Variants in KLHL29 observed in about 807,000 individuals in gnomAD.
KLHL29 encodes kelch like family member 29.
In KLHL29, 21 loss-of-function variants were observed where a neutral mutation model predicts 80.4. The observed-to-expected ratio is 0.26, with a 90% CI of 0.19 to 0.38. The LOEUF is 0.38. Among genes scored for constraint, KLHL29 ranks in the 10% least tolerant of loss-of-function variants. The pLI is 1.00. For missense variants in KLHL29, 867 were observed against 1,223.9 expected (o/e 0.71, Z 4.35); for synonymous variants, 511 against 526.8 (o/e 0.97, Z 0.41).
chr2:23,595,998 C>G (rs1396710548), intron 3 of KLHL29, among the ~76,000 whole-genome samples: 1 of 152,218 alleles, frequency 6.6e-6, no homozygotes, highest in Non-Finnish European at 1.5e-5. Flanking sequence ...GGTTTTCACA[C>G]TCCCCGTGGT....
intron 1 of KLHL29, among the ~76,000 whole-genome samples, chr2:23,456,058 A>G (rs1664041029): frequency 6.6e-6 from 1 of 152,178 alleles, no homozygotes; most frequent in African/African-American, 2.4e-5. Flanking sequence ...ACCTGCTGAC[A>G]CTTTGATCTT....
intron 5 of KLHL29, among the ~76,000 whole-genome samples, chr2:23,662,741 G>A (rs1670447308): frequency 6.6e-6 from 1 of 152,148 alleles, no homozygotes; most frequent in Non-Finnish European, 1.5e-5. Flanking sequence ...TCCCCAGCCT[G>A]GGCCCACCTA....
chr2:23,524,395 C>T (rs544467933), intron 2 of KLHL29: 61 of 162,880 alleles, frequency 3.7e-4, no homozygotes, highest in Non-Finnish European at 3.9e-4. Context: ...CCCGGGCTCC[C>T]GGGAGGCGTC....
At chr2:23,624,396 T>G (rs1669258376) in intron 3 of KLHL29, among the ~76,000 whole-genome samples, 2 of 152,120 alleles carry the variant, frequency 1.3e-5, no homozygotes. Flanking sequence ...GCCACCCCCC[T>G]TCCCAATCCC....
intron 1 of KLHL29, among the ~76,000 whole-genome samples, chr2:23,402,226 G>T (rs1358725029): frequency 6.6e-6 from 1 of 152,200 alleles, no homozygotes; most frequent in Non-Finnish European, 1.5e-5. Context: ...ACTGTCCCGG[G>T]TGGAAAATGC....
chr2:23,701,786 TTTTTTGC>T (rs1435772490), intron 11 of KLHL29, among the ~76,000 whole-genome samples: 9,284 of 128,934 alleles, frequency 0.072, 1,029 homozygotes, highest in African/African-American at 0.09. Context: ...CACATGGCTT[TTTTTTGC>T]TTTTTTTTTT....
intron 3 of KLHL29, among the ~76,000 whole-genome samples, chr2:23,630,096 G>A (rs932441548): frequency 3.3e-5 from 5 of 152,238 alleles, no homozygotes; most frequent in African/African-American, 9.6e-5. Context: ...GCATTAGGAG[G>A]CGATTGTTCA....
intron 6 of KLHL29, among the ~76,000 whole-genome samples, chr2:23,687,647 G>A (rs1190557526): frequency 6.6e-6 from 1 of 152,176 alleles, no homozygotes; most frequent in Middle Eastern, 3.2e-3. Context: ...GCCTGGCTGT[G>A]GGGGAGGGTC....
intron 1 of KLHL29, among the ~76,000 whole-genome samples, chr2:23,440,615 C>T (rs1663487541): frequency 6.6e-6 from 1 of 151,776 alleles, no homozygotes; most frequent in African/African-American, 2.4e-5. Context: ...CTACAATGAA[C>T]TCAAACAAAT....
intron 5 of KLHL29, among the ~76,000 whole-genome samples, chr2:23,654,154 G>A (rs1170000668): frequency 1.3e-5 from 2 of 151,794 alleles, no homozygotes; most frequent in Non-Finnish European, 2.9e-5. Flanking sequence ...GTGACAGAGT[G>A]AGACTCTGTC....
intron 2 of KLHL29, among the ~76,000 whole-genome samples, chr2:23,487,216 TG>T (rs553761609): frequency 7.9e-5 from 12 of 152,110 alleles, no homozygotes; most frequent in Non-Finnish European, 1.0e-4. Context: ...GAGCCCTAGA[TG>T]GGTCCCAGGA....
intron 3 of KLHL29, among the ~76,000 whole-genome samples, chr2:23,573,271 G>A (rs1218349569): frequency 6.6e-6 from 1 of 152,070 alleles, no homozygotes; most frequent in Non-Finnish European, 1.5e-5. Flanking sequence ...GCAGCTTTTT[G>A]CATTTATTTA....
intron 2 of KLHL29, among the ~76,000 whole-genome samples, chr2:23,525,725 T>TC (rs1572378194): frequency 6.6e-5 from 2 of 30,192 alleles, no homozygotes; most frequent in Non-Finnish European, 5.6e-5. Flanking sequence ...CCCCAGCCCC[T>TC]GCCCCCCCCC....
chr2:23,447,586 C>A (rs1172542955), intron 1 of KLHL29, among the ~76,000 whole-genome samples: 1 of 152,208 alleles, frequency 6.6e-6, no homozygotes, highest in Admixed American at 6.5e-5. Context: ...TGATAATGGC[C>A]TTGGCTGAGG....
At chr2:23,676,881 G>A (rs559907235) in intron 5 of KLHL29, among the ~76,000 whole-genome samples, 2 of 152,280 alleles carry the variant, frequency 1.3e-5, no homozygotes, top group South Asian at 4.2e-4. Flanking sequence ...GATCAAGGCA[G>A]CCCTTGGTCT....
chr2:23,393,309 A>G (rs1371111233), intron 1 of KLHL29, among the ~76,000 whole-genome samples: 1 of 152,254 alleles, frequency 6.6e-6, no homozygotes, highest in Non-Finnish European at 1.5e-5. Flanking sequence ...ATATTTGGGC[A>G]TATATCTATT....
At chr2:23,392,762 C>A (rs1202211253) in intron 1 of KLHL29, among the ~76,000 whole-genome samples, 1 of 152,200 alleles carries the variant, frequency 6.6e-6, no homozygotes, top group African/African-American at 2.4e-5. Context: ...CGTGTGTGCA[C>A]ATGCGCCTAT....
At position 23,434,543 on chromosome 2, in the gene KLHL29, TCTC is replaced by T. The variant is rs1376974474; in HGVS notation, c.-153-41014_-153-41012del. ...TTACAGTTCCATCGTGGATGGAAGT[TCTC>T]CTGATTTCAAACTTGGGCCTTGTAG... On this transcript the variant is annotated intron_variant, in intron 1 of 13. Transcript: ENST00000486442. Among the ~76,000 whole-genome samples, 5 of 152,088 alleles carry T rather than the reference TCTC, an allele frequency of 3.3e-5. No homozygotes were observed. The East Asian group carries it at 7.7e-4, about 24-fold the overall frequency.
intron 3 of KLHL29, among the ~76,000 whole-genome samples, chr2:23,612,022 C>T (rs761416790): frequency 1.2e-4 from 18 of 151,862 alleles, no homozygotes; most frequent in South Asian, 4.2e-4. Context: ...GTCTAACACA[C>T]GTATAATTGG....
Sources: allele counts gnomAD v4.1 joint callset (sites outside exome capture counted in the v4.1 genomes callset), GRCh38; gene constraint gnomAD v4.1.1; transcripts MANE v1.5; gene names NCBI Gene and HGNC (gene_info 2026-07-23, HGNC 2026-07-21).